PLAAT2: variants seen among roughly 807,000 people sequenced by gnomAD.
PLAAT2 encodes HRAS like suppressor 2.
PLAAT2 carries 12 observed loss-of-function variants against 12.8 expected under a neutral mutation model. The observed-to-expected ratio is 0.94, with a 90% CI of 0.60 to 1.52. The LOEUF (loss-of-function observed/expected upper bound fraction) is 1.52. Ranked by LOEUF, PLAAT2 falls within the 40% of genes most tolerant of loss-of-function variation. The probability of loss-of-function intolerance (pLI) is 0.00; values close to 1 mark genes in which losing one functional copy is unlikely to be tolerated. For missense variants in PLAAT2, 166 were observed against 208.1 expected, an observed-to-expected ratio of 0.80 and a Z score of 1.24; for synonymous variants, 79 against 86.8, an observed-to-expected ratio of 0.91 and a Z score of 0.50.
intron 3 of PLAAT2, among the ~76,000 whole-genome samples, chr11:63,558,009 G>A (rs572960189): frequency 2.0e-5 from 3 of 152,292 alleles, no homozygotes; most frequent in Non-Finnish European, 4.4e-5. Context: ...TCTTCACCAT[G>A]GCTGACATGG....
Position 63,558,368 on chromosome 11 carries a change from A to C in PLAAT2, c.387+24T>G, listed in dbSNP as rs2017486618. 3 of 1,608,726 alleles carry C rather than the reference A, an allele frequency of 1.9e-6. No homozygotes were observed. In the East Asian group the frequency reaches 6.7e-5, roughly 36 times the overall value. ...TGAGGGAGTGGCCTGGCTCCTGGGA[A>C]GGGGATGCAGGCTGAAGATGCACCT... On this transcript the variant is annotated intron_variant, in intron 3 of 3. Coordinates refer to ENST00000255695, the MANE Select transcript of PLAAT2 (RefSeq NM_017878.2).
intron 1 of PLAAT2, among the ~76,000 whole-genome samples, chr11:63,561,876 T>C (rs1025355966): frequency 6.6e-6 from 1 of 151,578 alleles, no homozygotes; most frequent in Non-Finnish European, 1.5e-5. Context: ...CAAAAAAAAA[T>C]AATAAAAATA....
chr11:63,564,742 G>A (rs756866437), upstream of PLAAT2, among the ~76,000 whole-genome samples: 3 of 152,144 alleles, frequency 2.0e-5, no homozygotes, highest in Admixed American at 6.5e-5. Context: ...CTCTGGGCCG[G>A]TCCCACTCAG....
In PLAAT2 at chr11:63,563,333, C is replaced by G. The variant is rs1451612349; in HGVS notation, c.-9G>C. The G allele has an allele frequency of 1.2e-6, 2 of 1,614,158 alleles. No homozygotes were observed. The highest frequency in any genetic ancestry group is 1.7e-6 in the Non-Finnish European group (2 of 1,180,020). On this transcript the variant is annotated 5_prime_UTR_variant, in exon 1 of 4. Coordinates refer to ENST00000255695, the MANE Select transcript of PLAAT2 (RefSeq NM_017878.2). ...GGACTTACCAAAGCCATCCTTCCTT[C>G]AAGATGATGTCTTGTGTGTTGCTGA...
chr11:63,563,384 C>A, upstream of PLAAT2: 1 of 1,608,116 alleles, frequency 6.2e-7, no homozygotes. Context: ...TAAATTAGCT[C>A]TGAGTTTCAC....
chr11:63,558,742 C>T lies in PLAAT2; in HGVS notation c.119-82G>A, dbSNP rs559293551. The T allele has an allele frequency of 4.0e-5, 61 of 1,513,856 alleles. No homozygotes were observed. The African/African-American group carries it at 6.0e-4, about 15-fold the overall frequency. The allele number at this position is 1,513,856 out of a possible 1,614,324, so 93.8% of individuals were successfully genotyped here. On this transcript the variant is annotated intron_variant, in intron 2 of 3. Coordinates refer to ENST00000255695, the MANE Select transcript of PLAAT2 (RefSeq NM_017878.2). ...CCAAGCAGCCTCATCGCCCCGAGCA[C>T]CATCAAGGAGGAGCAGCTGTGGAAG...
intron 3 of PLAAT2, among the ~76,000 whole-genome samples, chr11:63,555,238 G>T (rs1035542335): frequency 6.6e-6 from 1 of 152,172 alleles, no homozygotes; most frequent in Non-Finnish European, 1.5e-5. Flanking sequence ...GCACTTCAGA[G>T]TTGTAAGGGA....
chr11:63,563,285 C>T, intron 1 of PLAAT2, 31 bp downstream of exon 1: 1 of 1,613,892 alleles, frequency 6.2e-7, no homozygotes, highest in Non-Finnish European at 8.5e-7. Context: ...TTCCTCAAAT[C>T]AAAGCTTTAA....
chr11:63,559,736 T>G (rs970790827), intron 2 of PLAAT2, among the ~76,000 whole-genome samples: 1 of 152,094 alleles, frequency 6.6e-6, no homozygotes, highest in Non-Finnish European at 1.5e-5. Flanking sequence ...TTATACTATG[T>G]GCTCAGTTGT....
At chr11:63,563,559 A>T (rs749950491), upstream of PLAAT2, among the ~76,000 whole-genome samples, 13 of 151,952 alleles carry the variant, frequency 8.6e-5, no homozygotes, top group Non-Finnish European at 1.8e-4. Flanking sequence ...TCTCCTAAAA[A>T]ATAGAAAAAA....
At chr11:63,556,969 C>T (rs1311418194) in intron 3 of PLAAT2, among the ~76,000 whole-genome samples, 1 of 152,136 alleles carries the variant, frequency 6.6e-6, no homozygotes, top group African/African-American at 2.4e-5. Context: ...GAAAAATTGT[C>T]AGTTTTTTTC....
At chr11:63,556,471 C>G (rs998171908) in intron 3 of PLAAT2, among the ~76,000 whole-genome samples, 1 of 152,034 alleles carries the variant, frequency 6.6e-6, no homozygotes, top group Non-Finnish European at 1.5e-5. Context: ...GGCAGCCCAC[C>G]CCCAATCCCC....
At chr11:63,559,071 A>G (rs768778076) in intron 2 of PLAAT2, among the ~76,000 whole-genome samples, 1 of 152,226 alleles carries the variant, frequency 6.6e-6, no homozygotes, top group Non-Finnish European at 1.5e-5. Context: ...AGGCCAAGGC[A>G]GGAGGAACAC....
intron 3 of PLAAT2, among the ~76,000 whole-genome samples, chr11:63,555,803 C>T (rs927282859): frequency 1.3e-5 from 2 of 152,186 alleles, no homozygotes; most frequent in South Asian, 2.1e-4. Context: ...TTTTGGTGTC[C>T]TCAGGGGGTC....
intron 1 of PLAAT2, among the ~76,000 whole-genome samples, chr11:63,561,929 G>A (rs763762615): frequency 6.6e-6 from 1 of 152,020 alleles, no homozygotes; most frequent in Non-Finnish European, 1.5e-5. Flanking sequence ...TAAAACCCAC[G>A]TGTTCATAAG....
chr11:63,558,738 A>G, intron 2 of PLAAT2, 78 bp from the exon 3 acceptor site: 1 of 1,531,346 alleles, frequency 6.5e-7, no homozygotes, highest in Non-Finnish European at 8.9e-7. Flanking sequence ...CATCGCCCCG[A>G]GCACCATCAA....
At chr11:63,556,414 T>C (rs2017467121) in intron 3 of PLAAT2, among the ~76,000 whole-genome samples, 1 of 152,140 alleles carries the variant, frequency 6.6e-6, no homozygotes, top group Non-Finnish European at 1.5e-5. Flanking sequence ...CAGATTGATT[T>C]TGTGGCTTCT....
intron 2 of PLAAT2, 116 bp downstream of exon 2, chr11:63,559,969 A>T: frequency 1.5e-6 from 1 of 652,316 alleles, no homozygotes; most frequent in South Asian, 2.2e-5. Context: ...TTCATTCAGC[A>T]TTATGTATTG....
upstream of PLAAT2, among the ~76,000 whole-genome samples, chr11:63,564,578 G>A (rs899925791): frequency 1.3e-5 from 2 of 152,186 alleles, no homozygotes; most frequent in Non-Finnish European, 2.9e-5. Context: ...AGCTCACGTG[G>A]TCATGTGGTC....
Sources: allele counts gnomAD v4.1 joint callset (sites outside exome capture counted in the v4.1 genomes callset), GRCh38; gene constraint gnomAD v4.1.1; transcripts MANE v1.5; gene names NCBI Gene and HGNC (gene_info 2026-07-23, HGNC 2026-07-21).